SLC5A4: variants seen among roughly 807,000 people sequenced by gnomAD.
SLC5A4 encodes the protein solute carrier family 5 member 4.
SLC5A4 carries 55 observed loss-of-function variants against 70.3 expected under a neutral mutation model. The ratio of observed to expected loss-of-function variants is 0.78; its 90% CI spans 0.63 to 0.98. SLC5A4 has a LOEUF of 0.98. Ranked by LOEUF, SLC5A4 falls within the 50% of genes least tolerant of loss-of-function variation. SLC5A4 has a pLI of 0.00. For synonymous variants in SLC5A4, 268 were observed against 305.7 expected, an observed-to-expected ratio of 0.88 and a Z score of 1.29; for missense variants, 735 against 839.2, an observed-to-expected ratio of 0.88 and a Z score of 1.53.
the SLC5A4 span, among the ~76,000 whole-genome samples, chr22:32,321,957 A>G: frequency 6.6e-6 from 1 of 152,190 alleles, no homozygotes; most frequent in African/African-American, 2.4e-5. Flanking sequence ...ACAAGTGAAA[A>G]CACTTCCATG....
At chr22:32,248,226 C>G (rs1014844720) in intron 4 of SLC5A4, among the ~76,000 whole-genome samples, 2 of 152,216 alleles carry the variant, frequency 1.3e-5, no homozygotes, top group African/African-American at 4.8e-5. Flanking sequence ...TACCCAAACA[C>G]TGTGGATACG....
At chr22:32,321,561 C>G in the SLC5A4 span, among the ~76,000 whole-genome samples, 1 of 152,182 alleles carries the variant, frequency 6.6e-6, no homozygotes, top group Non-Finnish European at 1.5e-5. Flanking sequence ...TATTTCATCA[C>G]CCAGACATGA....
At chr22:32,353,494 G>C in the SLC5A4 span, among the ~76,000 whole-genome samples, 3 of 152,080 alleles carry the variant, frequency 2.0e-5, no homozygotes, top group African/African-American at 7.2e-5. Flanking sequence ...TCCAGCAGGA[G>C]GAGATGGCCC....
the SLC5A4 span, chr22:32,272,475 C>T: frequency 8.0e-6 from 6 of 752,206 alleles, no homozygotes; most frequent in South Asian, 1.5e-5. Context: ...TCCTGGCAGC[C>T]GACCTCATGA....
chr22:32,222,679 A>C (rs1925153193), intron 13 of SLC5A4, among the ~76,000 whole-genome samples: 1 of 152,188 alleles, frequency 6.6e-6, no homozygotes, highest in East Asian at 1.9e-4. Context: ...TTTCAGTGAC[A>C]TGTCCTTCGT....
chr22:32,278,292 G>T, the SLC5A4 span, among the ~76,000 whole-genome samples: 7 of 152,172 alleles, frequency 4.6e-5, no homozygotes, highest in African/African-American at 1.7e-4. Context: ...TCAAGATTCT[G>T]TATTTGGGCC....
chr22:32,239,137 C>A, intron 5 of SLC5A4, 47 bp from the exon 6 acceptor site: 2 of 1,393,326 alleles, frequency 1.4e-6, no homozygotes, highest in Non-Finnish European at 2.0e-6. Context: ...CATTTGAGGC[C>A]ACTGGCTTCT....
At chr22:32,320,833 G>C in the SLC5A4 span, among the ~76,000 whole-genome samples, 26 of 152,344 alleles carry the variant, frequency 1.7e-4, 1 homozygote, top group South Asian at 5.0e-3. Context: ...CAGATGATTT[G>C]AAAGGTAAGT....
the SLC5A4 span, among the ~76,000 whole-genome samples, chr22:32,276,356 GCTGGTTTGGTCT>G: frequency 6.6e-6 from 1 of 152,172 alleles, no homozygotes; most frequent in Admixed American, 6.5e-5. Flanking sequence ...ATTAGTATCT[GCTGGTTTGGTCT>G]CTGTGCAAAT....
At chr22:32,294,566 AC>A in the SLC5A4 span, among the ~76,000 whole-genome samples, 1 of 146,838 alleles carries the variant, frequency 6.8e-6, no homozygotes, top group East Asian at 2.0e-4. Context: ...CTCCTGCCCC[AC>A]CCCCTCCTTA....
chr22:32,244,721 G>T (rs529634917), intron 5 of SLC5A4, among the ~76,000 whole-genome samples: 1 of 152,076 alleles, frequency 6.6e-6, no homozygotes, highest in African/African-American at 2.4e-5. Context: ...TAGAGATAAG[G>T]GTCTCACTAT....
rs568200440 is a variant in SLC5A4 at position 32,243,846 on chromosome 22, G to A, written c.477+3565C>T. 2.9e-3 allele frequency among the ~76,000 whole-genome samples: 436 copies of A among 152,196 alleles called. 1 individual carries two copies. The highest frequency in any genetic ancestry group is 9.3e-3 in the African/African-American group (387 of 41,522). On this transcript the variant is annotated intron_variant, in intron 5 of 14. Coordinates refer to ENST00000266086, the MANE Select transcript of SLC5A4 (RefSeq NM_014227.3). ...TACTAAAAATAGAAAAAAATTAGCC[G>A]AGCGTGTTGGTGCATGCCTGTAATC...
the SLC5A4 span, among the ~76,000 whole-genome samples, chr22:32,346,387 A>T: frequency 6.6e-6 from 1 of 152,144 alleles, no homozygotes; most frequent in Non-Finnish European, 1.5e-5. Context: ...AAAAGAGCCC[A>T]CATCGCCAAG....
the SLC5A4 span, chr22:32,327,064 T>C: frequency 6.6e-6 from 1 of 152,252 alleles, no homozygotes; most frequent in South Asian, 2.1e-4. Context: ...TAAATCTATG[T>C]TGTTTTAAGC....
intron 2 of SLC5A4, among the ~76,000 whole-genome samples, chr22:32,253,484 G>A (rs1047823781): frequency 3.9e-5 from 6 of 152,200 alleles, no homozygotes; most frequent in African/African-American, 1.4e-4. Context: ...ACAAGGGGAG[G>A]CCAATCCTAA....
At chr22:32,327,016 CTCCTT>C in the SLC5A4 span, among the ~76,000 whole-genome samples, 27 of 152,322 alleles carry the variant, frequency 1.8e-4, no homozygotes, top group African/African-American at 5.8e-4. Flanking sequence ...GTTCATGAGT[CTCCTT>C]TCCAACTGCT....
At chr22:32,325,748 G>C in the SLC5A4 span, among the ~76,000 whole-genome samples, 4,258 of 152,354 alleles carry the variant, frequency 0.028, 194 homozygotes, top group African/African-American at 0.096. Flanking sequence ...CTCAGGGGTG[G>C]GGACCACTAG....
At chr22:32,271,895 A>G in the SLC5A4 span, 1 of 585,142 alleles carries the variant, frequency 1.7e-6, no homozygotes, top group African/African-American at 1.8e-5. Flanking sequence ...GGAGTCCAAG[A>G]TGTACGCTGT....
chr22:32,318,107 C>T, the SLC5A4 span, among the ~76,000 whole-genome samples: 24 of 152,228 alleles, frequency 1.6e-4, no homozygotes, highest in Middle Eastern at 0.01. Flanking sequence ...TGGTCCTCCT[C>T]CTCCTCCCAC....
Sources: gnomAD v4.1 joint callset for allele counts (sites outside exome capture counted in the v4.1 genomes callset) on GRCh38, gnomAD v4.1.1 for gene constraint, MANE v1.5 for transcripts, NCBI Gene and HGNC (gene_info 2026-07-23, HGNC 2026-07-21) for gene names.